KCNAB1: variants seen among roughly 807,000 people sequenced by gnomAD.
KCNAB1 encodes the protein potassium voltage-gated channel subfamily A regulatory beta subunit 1.
Under a neutral mutation model 64.6 loss-of-function variants are expected in KCNAB1, and 35 were observed. The observed-to-expected ratio is 0.54, with a 90% CI of 0.41 to 0.72. The LOEUF (loss-of-function observed/expected upper bound fraction) is 0.72. Ranked by LOEUF, KCNAB1 falls within the 30% of genes least tolerant of loss-of-function variation. The probability of loss-of-function intolerance (pLI) is 0.00; values close to 1 mark genes in which losing one functional copy is unlikely to be tolerated. For missense variants in KCNAB1, 401 were observed against 512.9 expected, an observed-to-expected ratio of 0.78 and a Z score of 2.11; for synonymous variants, 177 against 183.8, an observed-to-expected ratio of 0.96 and a Z score of 0.30.
chr3:156,233,991 G>C (rs1178897486), intron 1 of KCNAB1, among the ~76,000 whole-genome samples: 1 of 151,956 alleles, frequency 6.6e-6, no homozygotes, highest in Non-Finnish European at 1.5e-5. Flanking sequence ...TGTTGGGTAT[G>C]TGATTCTAGA....
At chr3:156,122,090 T>C (rs1195525932) in intron 1 of KCNAB1, among the ~76,000 whole-genome samples, 1 of 152,222 alleles carries the variant, frequency 6.6e-6, no homozygotes, top group Non-Finnish European at 1.5e-5. Flanking sequence ...TTCTATGAAA[T>C]ACATTTGGTA....
chr3:156,139,517 CATA>C (rs919322948), intron 1 of KCNAB1, among the ~76,000 whole-genome samples: 1 of 149,462 alleles, frequency 6.7e-6, no homozygotes, highest in African/African-American at 2.5e-5. Context: ...TGGTGGCTAC[CATA>C]AGTGATGTCA....
rs2108292768 is a variant in KCNAB1 at position 156,459,846 on chromosome 3, A to C, written c.457A>C (p.Ser153Arg). Residue 153 changes from serine (S) to arginine (R), a missense_variant, in exon 5 of 14, where the codon AGC becomes CGC. By Grantham distance (110) the Ser-to-Arg change is moderately radical. Transcript: ENST00000490337. ...TTCCAGGGCTGAAGTGATTCTGGGGAGCATCATCAAGAAGAAAGGCTGGAG... is the reference window on the plus strand; with the variant it reads ...TTCCAGGGCTGAAGTGATTCTGGGGCGCATCATCAAGAAGAAAGGCTGGAG... ...AAGKAEVILG[S>R]IIKKKGWRRS... 3 of 1,610,938 alleles carry C rather than the reference A, an allele frequency of 1.9e-6. No individual in the cohort carries two copies. The East Asian group carries it at 6.7e-5, about 36-fold the overall frequency.
At chr3:156,346,066 G>C (rs533401778) in intron 1 of KCNAB1, among the ~76,000 whole-genome samples, 1 of 151,552 alleles carries the variant, frequency 6.6e-6, no homozygotes, top group African/African-American at 2.4e-5. Flanking sequence ...ATCATGGTCT[G>C]ATGTGTAAGT....
At chr3:156,365,867 C>T (rs935462579) in intron 1 of KCNAB1, among the ~76,000 whole-genome samples, 1 of 152,116 alleles carries the variant, frequency 6.6e-6, no homozygotes, top group Non-Finnish European at 1.5e-5. Flanking sequence ...TCAAGGCAAA[C>T]AGGTTTTTAA....
At chr3:156,191,454 G>C (rs1287885205) in intron 1 of KCNAB1, among the ~76,000 whole-genome samples, 1 of 152,200 alleles carries the variant, frequency 6.6e-6, no homozygotes, top group Non-Finnish European at 1.5e-5. Context: ...CTTTTAAAAT[G>C]CTCTTTCATC....
chr3:156,183,941 T>C (rs907297627), intron 1 of KCNAB1, among the ~76,000 whole-genome samples: 4 of 152,236 alleles, frequency 2.6e-5, no homozygotes, highest in African/African-American at 9.6e-5. Context: ...TTAATTTTGG[T>C]GACCCTCAGT....
At chr3:156,181,376 G>A (rs992025522) in intron 1 of KCNAB1, among the ~76,000 whole-genome samples, 2 of 152,162 alleles carry the variant, frequency 1.3e-5, no homozygotes, top group African/African-American at 4.8e-5. Context: ...AAAAATAATG[G>A]CATTTATGAG....
chr3:156,293,536 A>G (rs1560179213), intron 1 of KCNAB1, among the ~76,000 whole-genome samples: 1 of 152,244 alleles, frequency 6.6e-6, no homozygotes, highest in Non-Finnish European at 1.5e-5. Context: ...TTGCACAAAC[A>G]TCAAGCACTG....
chr3:156,179,659 G>GT lies in KCNAB1; in HGVS notation c.275+58774dup, dbSNP rs1394663627. Among the ~76,000 whole-genome samples the GT allele has an allele frequency of 2.0e-5, 3 of 152,250 alleles. No individual in the cohort carries two copies. In the East Asian group the frequency reaches 5.8e-4, roughly 29 times the overall value. Reference sequence around the variant, plus strand: ...AAGTTCTGGCTGCATGCAATGAGGGGTAACCCCAGGCACCAAAGGCAGCAA... The same window carrying GT: ...AAGTTCTGGCTGCATGCAATGAGGGGTTAACCCCAGGCACCAAAGGCAGCAA... On this transcript the variant is annotated intron_variant, in intron 1 of 13. Transcript: ENST00000490337.
At chr3:156,210,849 C>T (rs1392318105) in intron 1 of KCNAB1, among the ~76,000 whole-genome samples, 3 of 152,236 alleles carry the variant, frequency 2.0e-5, no homozygotes, top group African/African-American at 7.2e-5. Context: ...ATCCCTTCCA[C>T]TTTCAAAGTT....
At chr3:156,146,089 A>T (rs1227910114) in intron 1 of KCNAB1, among the ~76,000 whole-genome samples, 1 of 152,126 alleles carries the variant, frequency 6.6e-6, no homozygotes. Flanking sequence ...TCTGTGAGAG[A>T]GCATTATGTT....
intron 13 of KCNAB1, 128 bp from the exon 14 acceptor site, chr3:156,536,530 G>A: frequency 2.8e-6 from 2 of 702,270 alleles, no homozygotes; most frequent in Admixed American, 4.0e-5. Flanking sequence ...TGGGGGCGGG[G>A]GGCTTAGATT....
intron 1 of KCNAB1, among the ~76,000 whole-genome samples, chr3:156,312,976 C>G (rs941746674): frequency 1.3e-5 from 2 of 152,164 alleles, no homozygotes; most frequent in African/African-American, 4.8e-5. Flanking sequence ...GTGAGCACTT[C>G]TCTCCCTGTC....
chr3:156,504,956 G>A (rs747218982), intron 8 of KCNAB1, among the ~76,000 whole-genome samples: 52 of 151,686 alleles, frequency 3.4e-4, no homozygotes, highest in Non-Finnish European at 6.3e-4. Flanking sequence ...GTGCTTTTGA[G>A]GTCTTTCCCA....
At chr3:156,277,451 G>C (rs1484432335) in intron 1 of KCNAB1, among the ~76,000 whole-genome samples, 1 of 152,136 alleles carries the variant, frequency 6.6e-6, no homozygotes, top group Non-Finnish European at 1.5e-5. Flanking sequence ...TGCAGTATGT[G>C]TGAAGTGCAA....
At chr3:156,163,670 C>T (rs530300319) in intron 1 of KCNAB1, among the ~76,000 whole-genome samples, 1 of 152,322 alleles carries the variant, frequency 6.6e-6, no homozygotes, top group East Asian at 1.9e-4. Flanking sequence ...TGAGCACATT[C>T]CTGGCACCAG....
At chr3:156,154,813 G>A (rs886326664) in intron 1 of KCNAB1, among the ~76,000 whole-genome samples, 3 of 152,126 alleles carry the variant, frequency 2.0e-5, no homozygotes, top group South Asian at 2.1e-4. Context: ...GGGGTCATGC[G>A]TTTCTACTTC....
chr3:156,291,777 T>G, intron 1 of KCNAB1: 2 of 1,508,848 alleles, frequency 1.3e-6, no homozygotes, highest in South Asian at 2.7e-5. Context: ...AGGACTCCTC[T>G]GACGGCATCC....
Sources: allele counts gnomAD v4.1 joint callset (sites outside exome capture counted in the v4.1 genomes callset), GRCh38; gene constraint gnomAD v4.1.1; transcripts MANE v1.5; gene names NCBI Gene and HGNC (gene_info 2026-07-23, HGNC 2026-07-21).